AFF3: variants seen among roughly 807,000 people sequenced by gnomAD.
The protein encoded by AFF3 is ALF transcription elongation factor 3, also known as AF4/FMR2 family member 3.
A neutral mutation model predicts 129.7 loss-of-function variants in AFF3; 32 were observed. That is an observed-to-expected ratio of 0.25 (90% CI 0.19 to 0.33). The LOEUF is 0.33. Ranked by LOEUF, AFF3 falls within the 10% of genes least tolerant of loss-of-function variation. The pLI is 1.00. For synonymous variants in AFF3, 644 were observed against 635.4 expected (o/e 1.01, Z -0.20); for missense variants, 1,373 against 1,592.0 (o/e 0.86, Z 2.34).
chr2:99,804,289 A>G (rs1686176386), intron 8 of AFF3, among the ~76,000 whole-genome samples: 1 of 152,224 alleles, frequency 6.6e-6, no homozygotes, highest in African/African-American at 2.4e-5. Context: ...ATGAATAGAC[A>G]TTTTTCAAAA....
At chr2:99,662,959 A>C (rs1474344916) in intron 12 of AFF3, among the ~76,000 whole-genome samples, 1 of 152,182 alleles carries the variant, frequency 6.6e-6, no homozygotes, top group African/African-American at 2.4e-5. Flanking sequence ...GTGGGTAATA[A>C]ATTTTCACAG....
At chr2:99,970,341 A>T (rs555918649) in intron 7 of AFF3, among the ~76,000 whole-genome samples, 13 of 152,074 alleles carry the variant, frequency 8.5e-5, no homozygotes, top group African/African-American at 2.9e-4. Flanking sequence ...ACAATCACAG[A>T]TCTTCTACAG....
intron 11 of AFF3, among the ~76,000 whole-genome samples, chr2:99,694,631 T>C (rs1676012061): frequency 6.6e-6 from 1 of 150,840 alleles, no homozygotes; most frequent in Non-Finnish European, 1.5e-5. Context: ...TGAGTCGCTA[T>C]GTAGTTTTAA....
chr2:100,045,829 A>G (rs1308910160), intron 4 of AFF3, among the ~76,000 whole-genome samples: 1 of 152,200 alleles, frequency 6.6e-6, no homozygotes, highest in Non-Finnish European at 1.5e-5. Flanking sequence ...GCTTATTGTA[A>G]GAATAATATC....
At chr2:99,911,260 T>A (rs1440501940) in intron 7 of AFF3, among the ~76,000 whole-genome samples, 1 of 152,084 alleles carries the variant, frequency 6.6e-6, no homozygotes, top group Non-Finnish European at 1.5e-5. Context: ...TGGTGGCACA[T>A]GCCTGTAATC....
intron 7 of AFF3, among the ~76,000 whole-genome samples, chr2:99,918,358 C>T (rs111965005): frequency 0.012 from 1,833 of 152,252 alleles, 43 homozygotes; most frequent in African/African-American, 0.042. Context: ...ATACCTTAAA[C>T]TAGACTAATT....
chr2:99,730,516 C>CT (rs1448325264), intron 10 of AFF3, among the ~76,000 whole-genome samples: 9,355 of 140,496 alleles, frequency 0.067, 342 homozygotes, highest in Middle Eastern at 0.12. Context: ...TATACTGCAA[C>CT]TTTTTTTTTT....
chr2:100,069,854 T>C (rs1321739482), intron 4 of AFF3, among the ~76,000 whole-genome samples: 2 of 152,190 alleles, frequency 1.3e-5, no homozygotes, highest in African/African-American at 2.4e-5. Context: ...GCTCCAGATA[T>C]AAACTCCTCA....
At chr2:99,666,256 T>C (rs1054569275) in intron 12 of AFF3, among the ~76,000 whole-genome samples, 2 of 152,228 alleles carry the variant, frequency 1.3e-5, no homozygotes, top group African/African-American at 4.8e-5. Flanking sequence ...GACAGAAAAC[T>C]ACATTTGTAT....
rs752486698 is a variant in AFF3 at position 99,554,446 on chromosome 2, G to C, written c.3424C>G (p.Leu1142Val). ...SQGSLSNASALSPSTIVSIPQ... is the reference protein window; with the variant it reads ...SQGSLSNASAVSPSTIVSIPQ... ...ATGCTGACGATGGTCGACGGGGACA[G>C]GGCGCTGGCGTTGGAGAGGCTGCCC... is the stretch of plus-strand genomic sequence containing the variant. Residue 1142 changes from leucine (L) to valine (V), a missense_variant, in exon 24 of 25, where the codon CTG (leucine) becomes GTG (valine). Coordinates refer to ENST00000672756, the MANE Select transcript of AFF3 (RefSeq NM_001386135.1). 1 of 1,614,146 alleles carries C rather than the reference G, an allele frequency of 6.2e-7. No homozygotes were observed. The highest frequency in any genetic ancestry group is 1.1e-5 in the South Asian group (1 of 91,088).
chr2:100,127,308 T>G (rs1205517550), intron 2 of AFF3, among the ~76,000 whole-genome samples: 1 of 152,242 alleles, frequency 6.6e-6, no homozygotes, highest in African/African-American at 2.4e-5. Flanking sequence ...CACTGTCATG[T>G]GCCTCCATTG....
chr2:99,690,615 C>T (rs767833441), intron 11 of AFF3, among the ~76,000 whole-genome samples: 5 of 152,044 alleles, frequency 3.3e-5, no homozygotes, highest in African/African-American at 7.3e-5. Context: ...CCCACGGCTT[C>T]GATCGGTTGT....
At position 100,045,591 on chromosome 2, in the gene AFF3, A is replaced by C. The variant is rs542697486; in HGVS notation, c.54-36659T>G. On this transcript the variant is annotated intron_variant, in intron 4 of 24. Coordinates refer to ENST00000672756, the MANE Select transcript of AFF3 (RefSeq NM_001386135.1). ...GTTTTTTTTTTTTTTGATAAAAGTT[A>C]CAGCAAATGTGCCTGCCTCTCCTGC... is the stretch of plus-strand genomic sequence containing the variant. 8.6e-4 allele frequency among the ~76,000 whole-genome samples: 129 copies of C among 149,776 alleles called. No individual in the cohort carries two copies. In the Middle Eastern group the frequency reaches 0.024, roughly 28 times the overall value.
rs946062820 is a variant in AFF3 at position 100,027,537 on chromosome 2, C to T, written c.54-18605G>A. 3.3e-5 allele frequency among the ~76,000 whole-genome samples: 5 copies of T among 152,206 alleles called. No homozygotes were observed. The East Asian group carries it at 9.6e-4, about 29-fold the overall frequency. ...TCCAGGAAGTCTGAATTCTACTCTC[C>T]TGGCTACAGATTTACTAACCGTCTA... On this transcript the variant is annotated intron_variant, in intron 4 of 24. Coordinates refer to ENST00000672756, the MANE Select transcript of AFF3 (RefSeq NM_001386135.1).
intron 4 of AFF3, among the ~76,000 whole-genome samples, chr2:100,022,518 C>T (rs537043552): frequency 6.6e-6 from 1 of 152,172 alleles, no homozygotes; most frequent in Admixed American, 6.5e-5. Context: ...TCAAGAGATT[C>T]TCATGTCTCA....
At chr2:99,685,276 G>A (rs1674944401) in intron 11 of AFF3, among the ~76,000 whole-genome samples, 1 of 152,130 alleles carries the variant, frequency 6.6e-6, no homozygotes, top group Non-Finnish European at 1.5e-5. Context: ...ATTAGGCCAA[G>A]TATATTGAGA....
chr2:99,601,064 C>G (rs992109586), intron 14 of AFF3, among the ~76,000 whole-genome samples: 3 of 152,176 alleles, frequency 2.0e-5, no homozygotes, highest in South Asian at 4.1e-4. Flanking sequence ...TATGGGTGGT[C>G]ACACTTCCCA....
Position 99,687,758 on chromosome 2 carries a change from C to T in AFF3, c.1092-15169G>A, listed in dbSNP as rs562487531. Among the ~76,000 whole-genome samples, 36 of 152,266 alleles carry T rather than the reference C, an allele frequency of 2.4e-4. No individual in the cohort carries two copies. The South Asian group carries it at 4.6e-3, about 19-fold the overall frequency. On this transcript the variant is annotated intron_variant, in intron 11 of 24. Transcript: ENST00000672756. The stretch of plus-strand genomic sequence containing the variant: ...TTACCAAGAGAACACAGAGGGTTCT[C>T]GAATACTCCGTGTCCAGTTTTCCTT...
At chr2:99,936,948 T>C (rs1487533505) in intron 7 of AFF3, among the ~76,000 whole-genome samples, 1 of 152,186 alleles carries the variant, frequency 6.6e-6, no homozygotes, top group Non-Finnish European at 1.5e-5. Flanking sequence ...CCAAGACAGC[T>C]ATGGTTTTTT....
Sources: allele counts gnomAD v4.1 joint callset (sites outside exome capture counted in the v4.1 genomes callset), GRCh38; gene constraint gnomAD v4.1.1; transcripts MANE v1.5; gene names NCBI Gene and HGNC (gene_info 2026-07-23, HGNC 2026-07-21).